The following SLCO4A1 variants were observed in gnomAD, a reference collection of about 807,000 sequenced individuals.
The protein encoded by SLCO4A1 is solute carrier organic anion transporter family member 4A1.
A neutral mutation model predicts 64.6 loss-of-function variants in SLCO4A1; 51 were observed. The observed-to-expected ratio is 0.79, with a 90% CI of 0.63 to 1.00. The LOEUF is 1.00. Among genes scored for constraint, SLCO4A1 ranks in the 50% least tolerant of loss-of-function variants. The probability of loss-of-function intolerance (pLI) is 0.00; values close to 1 mark genes in which losing one functional copy is unlikely to be tolerated. For missense variants in SLCO4A1, 919 were observed against 980.5 expected, an observed-to-expected ratio of 0.94 and a Z score of 0.84; for synonymous variants, 471 against 444.9, an observed-to-expected ratio of 1.06 and a Z score of -0.74.
chr20:62,669,997 A>C (rs1986999789), intron 11 of SLCO4A1: 1 of 152,212 alleles, frequency 6.6e-6, no homozygotes, highest in African/African-American at 2.4e-5. Context: ...TTAAATAGGA[A>C]ATTCCAGAAG....
intron 2 of SLCO4A1, among the ~76,000 whole-genome samples, chr20:62,658,094 G>A (rs555178447): frequency 3.3e-5 from 5 of 152,186 alleles, no homozygotes; most frequent in Admixed American, 6.5e-5. Context: ...TGGCTCTCCC[G>A]GGAAGGGCAT....
chr20:62,669,290 C>T (rs1986910861), intron 11 of SLCO4A1, among the ~76,000 whole-genome samples: 1 of 152,228 alleles, frequency 6.6e-6, no homozygotes, highest in Admixed American at 6.5e-5. Context: ...GTTCACTGTC[C>T]AGGCCCCCAG....
In SLCO4A1 at chr20:62,656,940, C is replaced by G. The variant is rs1263563778; in HGVS notation, c.486C>G (p.Tyr162Ter). The G allele has an allele frequency of 6.4e-7, 1 of 1,564,236 alleles. No homozygotes were observed. The highest frequency in any genetic ancestry group is 1.7e-5 in the Admixed American group (1 of 57,644). ...AACLCLTFVS[Y>*]FGGSGHKPRW... is the part of the protein sequence containing the mutation. ...GCCTCTGCCTCACCTTCGTCAGCTACTTCGGGGGCTCAGGGCACAAGCCGC... is the reference window on the plus strand; with the variant it reads ...GCCTCTGCCTCACCTTCGTCAGCTAGTTCGGGGGCTCAGGGCACAAGCCGC... The change falls in exon 2 of 12, where the codon TAC (tyrosine) becomes TAG (stop). Residue 162 changes from tyrosine to a stop codon, truncating the protein, a stop_gained. Coordinates refer to ENST00000217159, the MANE Select transcript of SLCO4A1 (RefSeq NM_016354.4). LOFTEE classifies it high-confidence loss of function.
At chr20:62,665,237 C>T in intron 6 of SLCO4A1, 149 bp downstream of exon 6, 1 of 834,104 alleles carries the variant, frequency 1.2e-6, no homozygotes, top group Non-Finnish European at 1.8e-6. Flanking sequence ...TGGAGAGCGC[C>T]ACGGGGGCTG....
chr20:62,649,489 G>C, intron 1 of SLCO4A1: 1 of 152,322 alleles, frequency 6.6e-6, no homozygotes, highest in East Asian at 1.9e-4. Flanking sequence ...CTGACCCTGA[G>C]ACCATCGCAC....
At chr20:62,687,416 G>T (rs565753322), downstream of SLCO4A1, among the ~76,000 whole-genome samples, 219 of 152,398 alleles carry the variant, frequency 1.4e-3, no homozygotes, top group East Asian at 2.9e-3. Flanking sequence ...GGCCAAGGAG[G>T]CGGAAGAAAC....
At chr20:62,665,397 G>A (rs1330273937) in intron 6 of SLCO4A1, 21 of 296,504 alleles carry the variant, frequency 7.1e-5, no homozygotes, top group Non-Finnish European at 1.9e-5. Context: ...GGACCTGGCT[G>A]TTCCATGAGC....
rs750889199 is a variant in SLCO4A1 at position 62,668,234 on chromosome 20, C to CT, written c.1811+51dup. On this transcript the variant is annotated intron_variant, in intron 9 of 11. Coordinates refer to ENST00000217159, the MANE Select transcript of SLCO4A1 (RefSeq NM_016354.4). ...TGTCCAGAGCTTTCCTTGCAGCACC[C>CT]TGAGGCGGAGCTCTGCAGATCCTGA... 2.5e-6 allele frequency: 4 copies of CT among 1,597,878 alleles called. No homozygotes were observed. In the South Asian group the frequency reaches 4.4e-5, roughly 18 times the overall value.
At chr20:62,655,444 T>A (rs1464556554) in intron 1 of SLCO4A1, among the ~76,000 whole-genome samples, 1 of 152,194 alleles carries the variant, frequency 6.6e-6, no homozygotes, top group Non-Finnish European at 1.5e-5. Flanking sequence ...GCCCTTAAGA[T>A]GCAGAGAGGC....
rs538382495 is a variant in SLCO4A1, at chr20:62,645,557, G to A, written c.-97+3004G>A. Among the ~76,000 whole-genome samples the A allele has an allele frequency of 2.0e-5, 3 of 150,976 alleles. No individual in the cohort carries two copies. Among genetic ancestry groups the A allele is most frequent in the Non-Finnish European group, 4.4e-5 (3 of 67,636 alleles). ...TCAGTCCTCAGACACTGGGGTCTCC[G>A]GCTGTCTCCAACCCTTCAGTTCTTT... On this transcript the variant is annotated intron_variant, in intron 1 of 11. Transcript: ENST00000217159. The surrounding 1 kb of genome is among the most constrained non-coding windows in gnomAD (Gnocchi z 4.2).
intron 1 of SLCO4A1, chr20:62,651,459 G>C (rs73145469): frequency 0.019 from 2,962 of 152,370 alleles, 55 homozygotes; most frequent in Middle Eastern, 0.054. Context: ...CAGCTGGTGA[G>C]CTGAGTGGTG....
chr20:62,690,358 T>C (rs1203696638), downstream of SLCO4A1, among the ~76,000 whole-genome samples: 2 of 152,162 alleles, frequency 1.3e-5, no homozygotes, highest in Non-Finnish European at 2.9e-5. Flanking sequence ...GGGTGTCACC[T>C]GCACAAGGTC....
chr20:62,667,810 A>C lies in SLCO4A1; in HGVS notation c.1538A>C (p.Glu513Ala). 1 of 1,612,948 alleles carries C rather than the reference A, an allele frequency of 6.2e-7. No homozygotes were observed. Among genetic ancestry groups the C allele is most frequent in the Non-Finnish European group, 8.5e-7 (1 of 1,179,976 alleles). ...AACGCTGCCTGCAGCTGCCAGCCAG[A>C]ACACTACAGCCCTGTGTGCGGCTCG... The part of the protein sequence containing the change: ...PCNAACSCQP[E>A]HYSPVCGSDG... The change falls in exon 8 of 12, where the codon GAA (glutamate) becomes GCA (alanine). Residue 513 changes from glutamate (E) to alanine (A), a missense_variant. Transcript: ENST00000217159.
At chr20:62,675,760 A>G (rs1295398990), downstream of SLCO4A1, among the ~76,000 whole-genome samples, 1 of 152,172 alleles carries the variant, frequency 6.6e-6, no homozygotes, top group East Asian at 1.9e-4. Flanking sequence ...TGGGCCCTGG[A>G]TACGCCCTCG....
downstream of SLCO4A1, among the ~76,000 whole-genome samples, chr20:62,687,689 GGGGT>G (rs1988110755): frequency 6.6e-6 from 1 of 152,184 alleles, no homozygotes; most frequent in African/African-American, 2.4e-5. Context: ...GCCACACCTC[GGGGT>G]GCACGGGCTG....
At chr20:62,680,542 T>C (rs1987779006) in intron 2 of SLCO4A1, among the ~76,000 whole-genome samples, 1 of 150,584 alleles carries the variant, frequency 6.6e-6, no homozygotes, top group Admixed American at 6.6e-5. Flanking sequence ...TTAAAGAGGT[T>C]CCCCTTCTAT....
chr20:62,658,192 C>T (rs944164410), intron 2 of SLCO4A1, among the ~76,000 whole-genome samples: 2 of 152,252 alleles, frequency 1.3e-5, no homozygotes, highest in African/African-American at 4.8e-5. Context: ...TCTGCTCATC[C>T]CAGTCACCTG....
chr20:62,671,208 C>T (rs1421826506), intron 11 of SLCO4A1, among the ~76,000 whole-genome samples: 2 of 152,214 alleles, frequency 1.3e-5, no homozygotes, highest in African/African-American at 4.8e-5. Context: ...CCTGTGGCCG[C>T]CACGACAAAG....
At chr20:62,648,010 G>T (rs548578558) in intron 1 of SLCO4A1, among the ~76,000 whole-genome samples, 1 of 152,344 alleles carries the variant, frequency 6.6e-6, no homozygotes, top group Non-Finnish European at 1.5e-5. Context: ...TCCTAAAATA[G>T]CGGGCACTGA....
Sources: gnomAD v4.1 joint callset for allele counts (sites outside exome capture counted in the v4.1 genomes callset) on GRCh38, gnomAD v4.1.1 for gene constraint, Gnocchi (gnomAD v3.1) non-coding constraint, MANE v1.5 for transcripts, NCBI Gene and HGNC (gene_info 2026-07-23, HGNC 2026-07-21) for gene names.